Variants in PAPPA2 observed in about 807,000 individuals in gnomAD.
The protein encoded by PAPPA2 is pappalysin 2, also known as pappalysin-2.
Under a neutral mutation model 176.4 loss-of-function variants are expected in PAPPA2, and 86 were observed. The observed-to-expected ratio is 0.49, with a 90% CI of 0.41 to 0.58. The LOEUF (loss-of-function observed/expected upper bound fraction) is 0.58, where lower values mean the gene tolerates loss of function less well. Among genes scored for constraint, PAPPA2 ranks in the 20% least tolerant of loss-of-function variants. PAPPA2 has a pLI of 0.00. For missense variants in PAPPA2, 2,073 were observed against 2,256.9 expected (o/e 0.92, Z 1.65); for synonymous variants, 809 against 852.2 (o/e 0.95, Z 0.88).
chr1:176,509,883 C>T (rs1648486599), intron 1 of PAPPA2, among the ~76,000 whole-genome samples: 1 of 151,056 alleles, frequency 6.6e-6, no homozygotes, highest in Non-Finnish European at 1.5e-5. Context: ...AAAAAAAACA[C>T]ATTAGCTGGG....
chr1:176,531,377 T>C (rs1208383292), intron 1 of PAPPA2, among the ~76,000 whole-genome samples: 1 of 152,202 alleles, frequency 6.6e-6, no homozygotes, highest in Non-Finnish European at 1.5e-5. Flanking sequence ...AGGCTCTGTC[T>C]GGGCGCTAGG....
At position 176,556,319 on chromosome 1, in the gene PAPPA2, AG is replaced by A. The variant is rs747411077; in HGVS notation, c.-2del. 6.2e-7 allele frequency: 1 copy of A among 1,611,782 alleles called. No homozygotes were observed. Among genetic ancestry groups the A allele is most frequent in the East Asian group, 2.2e-5 (1 of 44,886 alleles). Reference sequence around the variant, plus strand: ...CTGGTTCTGTAGAAAGAGCTAGGGGAGGTATGATGTGCTTAAAGATCCTAAG... The same window carrying A: ...CTGGTTCTGTAGAAAGAGCTAGGGGAGTATGATGTGCTTAAAGATCCTAAG... On this transcript the variant is annotated 5_prime_UTR_variant, in exon 2 of 23. Transcript: ENST00000367662.
chr1:176,823,905 T>C (rs920502658), intron 21 of PAPPA2, among the ~76,000 whole-genome samples: 21 of 152,128 alleles, frequency 1.4e-4, no homozygotes, highest in African/African-American at 4.6e-4. Context: ...AATTGAACCA[T>C]GGAGGTCAGG....
chr1:176,499,691 A>G (rs1241474199), intron 1 of PAPPA2, among the ~76,000 whole-genome samples: 1 of 152,166 alleles, frequency 6.6e-6, no homozygotes, highest in Non-Finnish European at 1.5e-5. Flanking sequence ...TATACACAGA[A>G]AAGGATTCTG....
chr1:176,577,119 G>C (rs945946597), intron 2 of PAPPA2, among the ~76,000 whole-genome samples: 12 of 152,140 alleles, frequency 7.9e-5, no homozygotes, highest in Non-Finnish European at 1.8e-4. Context: ...ATAACTGTAA[G>C]AGTAGCTAAT....
At chr1:176,769,024 T>G (rs1317287559) in intron 15 of PAPPA2, among the ~76,000 whole-genome samples, 1 of 152,200 alleles carries the variant, frequency 6.6e-6, no homozygotes, top group Non-Finnish European at 1.5e-5. Context: ...AAGGCGATGG[T>G]GCAGTATCCC....
At chr1:176,737,898 G>C (rs1158635798) in intron 12 of PAPPA2, among the ~76,000 whole-genome samples, 1 of 152,090 alleles carries the variant, frequency 6.6e-6, no homozygotes, top group Non-Finnish European at 1.5e-5. Flanking sequence ...GGAAGGCTGG[G>C]TTTCCTCCTT....
intron 2 of PAPPA2, among the ~76,000 whole-genome samples, chr1:176,571,422 G>C (rs759216797): frequency 5.3e-5 from 8 of 152,190 alleles, no homozygotes; most frequent in Admixed American, 1.3e-4. Context: ...GGTAATTTCT[G>C]TCTCAGAATT....
intron 21 of PAPPA2, among the ~76,000 whole-genome samples, chr1:176,838,552 C>A (rs1038203704): frequency 2.6e-5 from 4 of 152,278 alleles, no homozygotes; most frequent in African/African-American, 9.6e-5. Context: ...ATCCAGTCAT[C>A]CTGCAAGAAC....
chr1:176,833,250 T>C (rs1358705089), intron 21 of PAPPA2, among the ~76,000 whole-genome samples: 1 of 152,218 alleles, frequency 6.6e-6, no homozygotes, highest in Non-Finnish European at 1.5e-5. Flanking sequence ...AGCCAAGGGC[T>C]GGATTTGAAT....
chr1:176,817,164 G>T (rs1666439826), intron 21 of PAPPA2, among the ~76,000 whole-genome samples: 1 of 152,068 alleles, frequency 6.6e-6, no homozygotes, highest in South Asian at 2.1e-4. Flanking sequence ...ATTTGGGGAA[G>T]ATTTCATAAC....
rs367843455 is a variant in PAPPA2 at position 176,695,837 on chromosome 1, T to C, written c.2724T>C (p.Tyr908=). 5 of 1,614,018 alleles carry C rather than the reference T, an allele frequency of 3.1e-6. No individual in the cohort carries two copies. Among genetic ancestry groups the C allele is most frequent in the Middle Eastern group, 1.7e-4 (1 of 6,042 alleles). Residue 908 remains tyrosine, a synonymous_variant, in exon 7 of 23, where the codon TAT becomes TAC. Coordinates refer to ENST00000367662, the MANE Select transcript of PAPPA2 (RefSeq NM_020318.3). ...GGCGGGTGTGTGACTCCTCAGGTTA[T>C]TGGACCCCAGAGGAGGCTGTGGGTA... is the stretch of plus-strand genomic sequence containing the variant. ...SSRRVCDSSG[Y]WTPEEAVGPP...
rs2102936345 is a variant in PAPPA2 at position 176,789,734 on chromosome 1, T to G, written c.4716-75T>G. 2.7e-6 allele frequency: 4 copies of G among 1,502,492 alleles called. No homozygotes were observed. In the African/African-American group the frequency reaches 5.6e-5, roughly 21 times the overall value. 93.1% of individuals were successfully genotyped at this position (1,502,492 alleles called of 1,614,324 possible). On this transcript the variant is annotated intron_variant, in intron 17 of 22. Coordinates refer to ENST00000367662, the MANE Select transcript of PAPPA2 (RefSeq NM_020318.3). ...TGCCTATTTGCTAATTCTTATGCCA[T>G]ATTGCTGAGGATCAAGTCTTTCATG...
intron 3 of PAPPA2, among the ~76,000 whole-genome samples, chr1:176,645,955 T>C (rs542045413): frequency 6.6e-6 from 1 of 151,806 alleles, no homozygotes; most frequent in Middle Eastern, 3.4e-3. Flanking sequence ...TATTTTACTA[T>C]TGAGGTTTTT....
intron 2 of PAPPA2, 113 bp downstream of exon 2, chr1:176,557,354 A>T: frequency 7.9e-7 from 1 of 1,263,510 alleles, no homozygotes; most frequent in Non-Finnish European, 1.1e-6. Context: ...GAAAGCCAGA[A>T]AGGGCTAGCC....
intron 12 of PAPPA2, among the ~76,000 whole-genome samples, chr1:176,722,856 C>T (rs1278538095): frequency 1.3e-5 from 2 of 152,158 alleles, no homozygotes; most frequent in Non-Finnish European, 2.9e-5. Flanking sequence ...AAATAGAAAT[C>T]TCCAGCTGGA....
intron 3 of PAPPA2, among the ~76,000 whole-genome samples, chr1:176,666,598 T>A (rs868304904): frequency 1.5e-4 from 21 of 138,824 alleles, no homozygotes; most frequent in African/African-American, 3.4e-4. Context: ...TGTGTGTGTG[T>A]GTGTGTGTGT....
At chr1:176,613,103 G>A (rs2102680483) in intron 3 of PAPPA2, among the ~76,000 whole-genome samples, 2 of 152,330 alleles carry the variant, frequency 1.3e-5, no homozygotes, top group Middle Eastern at 3.4e-3. Context: ...TGTTGGCAGG[G>A]TAGAAACTTG....
At chr1:176,651,479 G>A (rs1657723613) in intron 3 of PAPPA2, among the ~76,000 whole-genome samples, 1 of 151,472 alleles carries the variant, frequency 6.6e-6, no homozygotes. Flanking sequence ...AGTTTCCATA[G>A]GGAAGTCTGT....
Sources: gnomAD v4.1 joint callset for allele counts (sites outside exome capture counted in the v4.1 genomes callset) on GRCh38, gnomAD v4.1.1 for gene constraint, MANE v1.5 for transcripts, NCBI Gene and HGNC (gene_info 2026-07-23, HGNC 2026-07-21) for gene names.